Variants in CALN1 observed in about 807,000 individuals in gnomAD.
The protein encoded by CALN1 is calcium-binding protein 8.
A neutral mutation model predicts 30.6 loss-of-function variants in CALN1; 17 were observed. That is an observed-to-expected ratio of 0.56 (90% CI 0.38 to 0.83). CALN1 has a LOEUF of 0.83. Among genes scored for constraint, CALN1 ranks in the 40% least tolerant of loss-of-function variants. CALN1 has a pLI of 0.00. For synonymous variants in CALN1, 156 were observed against 131.4 expected, an observed-to-expected ratio of 1.19 and a Z score of -1.28; for missense variants, 291 against 354.9, an observed-to-expected ratio of 0.82 and a Z score of 1.45.
At chr7:72,479,977 T>TTTGTCTAC in the CALN1 span, among the ~76,000 whole-genome samples, 2 of 152,248 alleles carry the variant, frequency 1.3e-5, no homozygotes, top group South Asian at 4.1e-4. Context: ...CATTGACACT[T>TTTGTCTAC]TTGTCTACTT....
chr7:72,243,715 T>A lies in CALN1; in HGVS notation c.244+34971A>T, dbSNP rs181385541. On this transcript the variant is annotated intron_variant, in intron 3 of 6. Transcript: ENST00000395275. Reference sequence around the variant, plus strand: ...AGCCAATCAAGCTGCTAGGCTGATCTAATGAGATTCTGTATGTGGACAGCA... The same window carrying A: ...AGCCAATCAAGCTGCTAGGCTGATCAAATGAGATTCTGTATGTGGACAGCA... 5.9e-5 allele frequency among the ~76,000 whole-genome samples: 9 copies of A among 152,286 alleles called. No homozygotes were observed. In the East Asian group the frequency reaches 1.4e-3, roughly 23 times the overall value.
intron 6 of CALN1, among the ~76,000 whole-genome samples, chr7:71,790,368 AAAAGAAAG>A (rs66616944): frequency 0.23 from 27,817 of 121,598 alleles, 3,846 homozygotes; most frequent in Non-Finnish European, 0.25. Flanking sequence ...AGAAAGAAAG[AAAAGAAAG>A]AAAGAAAGAA....
intron 5 of CALN1, among the ~76,000 whole-genome samples, chr7:71,893,956 G>A (rs748786094): frequency 6.6e-6 from 1 of 151,912 alleles, no homozygotes; most frequent in Non-Finnish European, 1.5e-5. Flanking sequence ...CCATGATGCT[G>A]CCCACCTAGA....
chr7:72,255,557 G>A (rs887443263), intron 3 of CALN1, among the ~76,000 whole-genome samples: 1 of 151,548 alleles, frequency 6.6e-6, no homozygotes, highest in Admixed American at 6.6e-5. Context: ...TAGGACTACA[G>A]GTGCCCCTAC....
intron 5 of CALN1, among the ~76,000 whole-genome samples, chr7:71,854,109 A>T (rs1790802233): frequency 6.6e-6 from 1 of 152,048 alleles, no homozygotes; most frequent in African/African-American, 2.4e-5. Context: ...TTTTAACTTA[A>T]ATTTGGATCC....
At chr7:72,273,685 A>C (rs539010623) in intron 3 of CALN1, among the ~76,000 whole-genome samples, 133 of 151,536 alleles carry the variant, frequency 8.8e-4, no homozygotes, top group African/African-American at 3.2e-3. Context: ...CATCCAGCTA[A>C]TTTTTTGTAG....
upstream of CALN1, among the ~76,000 whole-genome samples, chr7:72,449,101 C>T (rs1808607102): frequency 6.6e-6 from 1 of 152,164 alleles, no homozygotes; most frequent in Non-Finnish European, 1.5e-5. Context: ...ATTTGACCCC[C>T]TTCCCCTTTT....
At chr7:72,367,322 A>G (rs1241986380) in intron 2 of CALN1, among the ~76,000 whole-genome samples, 4 of 152,214 alleles carry the variant, frequency 2.6e-5, no homozygotes, top group African/African-American at 9.6e-5. Context: ...CCCTGTCTCT[A>G]CAAAAATAAA....
intron 2 of CALN1, among the ~76,000 whole-genome samples, chr7:72,330,595 A>C (rs1245872106): frequency 6.6e-6 from 1 of 152,094 alleles, no homozygotes; most frequent in African/African-American, 2.4e-5. Flanking sequence ...ACACCACTAG[A>C]CTATAAGGGT....
At chr7:71,889,997 A>T (rs1392497158) in intron 5 of CALN1, among the ~76,000 whole-genome samples, 1 of 151,718 alleles carries the variant, frequency 6.6e-6, no homozygotes, top group African/African-American at 2.4e-5. Context: ...TGGTCACTTT[A>T]GAGTGTAAAT....
chr7:71,931,362 T>C (rs1173014919), intron 5 of CALN1, among the ~76,000 whole-genome samples: 1 of 152,160 alleles, frequency 6.6e-6, no homozygotes, highest in African/African-American at 2.4e-5. Context: ...GTCTCCTGGC[T>C]TCAAGTGATT....
At chr7:72,498,640 A>AT in the CALN1 span, among the ~76,000 whole-genome samples, 317 of 152,250 alleles carry the variant, frequency 2.1e-3, no homozygotes, top group African/African-American at 7.1e-3. Context: ...AGTTGAGATC[A>AT]TTTTTTGCCA....
chr7:72,093,077 C>G (rs844722), intron 4 of CALN1, among the ~76,000 whole-genome samples: 113,398 of 152,036 alleles, frequency 0.75, 42,785 homozygotes, highest in East Asian at 1. Context: ...AAACAAAGTA[C>G]GCAGCCTGCA....
chr7:71,833,662 T>C (rs915306309), intron 5 of CALN1, among the ~76,000 whole-genome samples: 1 of 151,736 alleles, frequency 6.6e-6, no homozygotes, highest in African/African-American at 2.4e-5. Flanking sequence ...TCCCAGCACT[T>C]TGGGAAGCCA....
At chr7:71,823,369 G>C (rs1446628313) in intron 5 of CALN1, among the ~76,000 whole-genome samples, 1 of 152,146 alleles carries the variant, frequency 6.6e-6, no homozygotes, top group African/African-American at 2.4e-5. Context: ...CGGGATGTGT[G>C]AGTCTGTTCT....
intron 3 of CALN1, among the ~76,000 whole-genome samples, chr7:72,217,998 G>C (rs1272238283): frequency 6.6e-6 from 1 of 151,250 alleles, no homozygotes. Context: ...GCCTGCCACT[G>C]CGCCCAGATA....
intron 3 of CALN1, among the ~76,000 whole-genome samples, chr7:72,250,403 T>G (rs1478462604): frequency 6.6e-6 from 1 of 152,194 alleles, no homozygotes; most frequent in Non-Finnish European, 1.5e-5. Context: ...GGCAGAGCAG[T>G]TGTGAATACT....
In CALN1 at chr7:72,331,763, G is replaced by A. The variant is rs137870560; in HGVS notation, c.120-52953C>T. Among the ~76,000 whole-genome samples, 221 of 152,116 alleles carry A rather than the reference G, an allele frequency of 1.5e-3. 3 individuals are homozygous for A. The highest frequency in any genetic ancestry group is 0.012 in the East Asian group (62 of 5,168). ...GCAGGTTTGTTACACAGGTAAATGT[G>A]TACCATGGTGGTTTTCTGCACAGAC... On this transcript the variant is annotated intron_variant, in intron 2 of 6. Coordinates refer to ENST00000395275, the MANE Select transcript of CALN1 (RefSeq NM_031468.4).
chr7:71,931,269 C>T (rs1795535460), intron 5 of CALN1, among the ~76,000 whole-genome samples: 1 of 149,324 alleles, frequency 6.7e-6, no homozygotes, highest in African/African-American at 2.5e-5. Context: ...AAACCATTCT[C>T]TTTTTTTTTT....
Sources: allele counts gnomAD v4.1 joint callset (sites outside exome capture counted in the v4.1 genomes callset), GRCh38; gene constraint gnomAD v4.1.1; transcripts MANE v1.5; gene names NCBI Gene and HGNC (gene_info 2026-07-23, HGNC 2026-07-21).